Variants in GATA4 observed in about 807,000 individuals in gnomAD.
GATA4 encodes transcription factor GATA-4.
In GATA4, 7 loss-of-function variants were observed where a neutral mutation model predicts 37.9. The ratio of observed to expected loss-of-function variants is 0.18; its 90% CI spans 0.11 to 0.35. GATA4 has a LOEUF of 0.35. Among genes scored for constraint, GATA4 ranks in the 10% least tolerant of loss-of-function variants. GATA4 has a pLI of 1.00. For synonymous variants in GATA4, 372 were observed against 292.6 expected, an observed-to-expected ratio of 1.27 and a Z score of -2.77; for missense variants, 647 against 653.0, an observed-to-expected ratio of 0.99 and a Z score of 0.10.
chr8:11,699,182 T>C (rs1177856777), upstream of GATA4, among the ~76,000 whole-genome samples: 2 of 152,120 alleles, frequency 1.3e-5, no homozygotes, highest in Admixed American at 6.5e-5. Context: ...TCGGTGCATG[T>C]GTGTGGACAG....
upstream of GATA4, among the ~76,000 whole-genome samples, chr8:11,688,176 C>G (rs1049349458): frequency 7.2e-5 from 11 of 152,172 alleles, no homozygotes; most frequent in East Asian, 2.1e-3. Context: ...AGTTCAAGAG[C>G]CCCCCACACA....
At position 11,712,373 on chromosome 8, in the gene GATA4, C is replaced by A. The variant is rs111692609; in HGVS notation, c.616+3445C>A. 2.9e-3 allele frequency among the ~76,000 whole-genome samples: 443 copies of A among 152,236 alleles called. 2 individuals carry two copies. Among genetic ancestry groups the A allele is most frequent in the South Asian group, 5.8e-3 (28 of 4,824 alleles). ...TGAGCTGAGAACAAAGAAGAAACAG[C>A]AGAGGAGAAGCAGCTGAGAGCAAAG... On this transcript the variant is annotated intron_variant, in intron 2 of 6. Transcript: ENST00000532059.
At chr8:11,681,018 C>A in intron 1 of GATA4, 1 of 936,766 alleles carries the variant, frequency 1.1e-6, no homozygotes, top group Non-Finnish European at 1.3e-6. Context: ...GAATCCCATA[C>A]CCCAGGCTGC....
intron 2 of GATA4, among the ~76,000 whole-genome samples, chr8:11,738,327 A>C (rs1801559310): frequency 2.0e-5 from 3 of 152,204 alleles, no homozygotes; most frequent in Admixed American, 2.0e-4. Context: ...CAGCATGATC[A>C]GTTTCTTGTC....
chr8:11,695,232 C>T (rs1477499764), intron 1 of GATA4, among the ~76,000 whole-genome samples: 5 of 152,024 alleles, frequency 3.3e-5, no homozygotes, highest in Non-Finnish European at 7.4e-5. Flanking sequence ...ATGGAGAAAC[C>T]CCGTCTCTAT....
At chr8:11,743,478 C>T (rs976194586) in intron 2 of GATA4, among the ~76,000 whole-genome samples, 1 of 152,240 alleles carries the variant, frequency 6.6e-6, no homozygotes, top group Non-Finnish European at 1.5e-5. Flanking sequence ...GGAGAGCAGA[C>T]CAGGCTCTGT....
At chr8:11,755,197 C>T (rs1250643328) in intron 5 of GATA4, 64 bp downstream of exon 5, 2 of 1,365,644 alleles carry the variant, frequency 1.5e-6, no homozygotes, top group African/African-American at 1.4e-5. Flanking sequence ...GCCTAAGAAT[C>T]ATATCTTCCG....
chr8:11,681,388 G>A, intron 1 of GATA4: 4 of 985,196 alleles, frequency 4.1e-6, no homozygotes, highest in Non-Finnish European at 4.8e-6. Flanking sequence ...ACTCCTGGCA[G>A]ACCCTTCCGG....
intron 1 of GATA4, among the ~76,000 whole-genome samples, chr8:11,684,527 T>TA (rs1799079043): frequency 6.6e-6 from 1 of 152,250 alleles, no homozygotes; most frequent in South Asian, 2.1e-4. Flanking sequence ...ATCCTAAATG[T>TA]ACATCGTCCC....
chr8:11,691,100 T>C (rs1277875897), upstream of GATA4, among the ~76,000 whole-genome samples: 1 of 152,204 alleles, frequency 6.6e-6, no homozygotes, highest in Non-Finnish European at 1.5e-5. Context: ...GGATAATCAA[T>C]CCACGCAGCA....
chr8:11,723,619 C>G (rs1290252404), intron 2 of GATA4, among the ~76,000 whole-genome samples: 1 of 152,186 alleles, frequency 6.6e-6, no homozygotes, highest in African/African-American at 2.4e-5. Flanking sequence ...AGATCAATCT[C>G]AGAGCTAGCT....
intron 2 of GATA4, among the ~76,000 whole-genome samples, chr8:11,722,263 C>T (rs1011071512): frequency 2.0e-5 from 3 of 152,202 alleles, no homozygotes; most frequent in African/African-American, 4.8e-5. Flanking sequence ...CTATACATTA[C>T]TCACTTTCCC....
chr8:11,708,613 C>G lies in GATA4; in HGVS notation c.301C>G (p.Pro101Ala), dbSNP rs944772065. The G allele has an allele frequency of 1.5e-6, 2 of 1,345,846 alleles. No individual in the cohort carries two copies. The highest frequency in any genetic ancestry group is 6.4e-5 in the Admixed American group (2 of 31,332). The allele number at this position is 1,345,846 out of a possible 1,614,324, so 83.4% of individuals were successfully genotyped here. The change falls in exon 2 of 7, where the codon CCG (proline) becomes GCG (alanine). Residue 101 changes from proline to alanine, a missense_variant. Coordinates refer to ENST00000532059, the MANE Select transcript of GATA4 (RefSeq NM_001308093.3). This position sits in a 1 kb window ranked among gnomAD's most constrained non-coding sequence, Gnocchi z 6.7. ...GGGAGCCGACGGAGCCGCTTACACC[C>G]CGCCGCCGGTGTCGCCGCGCTTCTC... ...QAGADGAAYT[P>A]PPVSPRFSFP...
At chr8:11,678,088 C>T (rs1798841066) in intron 1 of GATA4, among the ~76,000 whole-genome samples, 1 of 151,484 alleles carries the variant, frequency 6.6e-6, no homozygotes, top group African/African-American at 2.4e-5. Flanking sequence ...AGAAGGAGTG[C>T]AGCTTTGAGA....
intron 2 of GATA4, among the ~76,000 whole-genome samples, chr8:11,742,384 GTTTT>G (rs71521636): frequency 1.5e-5 from 1 of 68,440 alleles, no homozygotes; most frequent in Non-Finnish European, 4.9e-5. Flanking sequence ...TTGGTGTTTT[GTTTT>G]TTTTTTTTCC....
At chr8:11,726,549 A>G (rs897384800) in intron 2 of GATA4, among the ~76,000 whole-genome samples, 1 of 152,100 alleles carries the variant, frequency 6.6e-6, no homozygotes, top group African/African-American at 2.4e-5. Context: ...TCTGAGGGCT[A>G]AGGGCTGGTG....
chr8:11,681,901 G>C (rs1798985718), intron 1 of GATA4, among the ~76,000 whole-genome samples: 1 of 152,138 alleles, frequency 6.6e-6, no homozygotes, highest in Non-Finnish European at 1.5e-5. Flanking sequence ...GTCTGCGTCT[G>C]CCTGGGTCTC....
Position 11,756,947 on chromosome 8 carries a change from G to T in GATA4, c.1013G>T (p.Ser338Ile). The change falls in exon 6 of 7, where the codon AGT becomes ATT. Residue 338 changes from serine (S) to isoleucine (I), a missense_variant. Physicochemically the swap from Ser to Ile is moderately radical, Grantham distance 142. Around this residue, in one of 5 missense-constraint regions of GATA4, gnomAD observed 184 missense variants for 157.1 expected, o/e 1.17. Transcript: ENST00000532059. ...KSKTPAAPSG[S>I]ESLPPASGAS... ...TGCTTCATTCCAGCTCCTTCAGGCA[G>T]TGAGAGCCTTCCTCCCGCCAGCGGT... 6.2e-7 allele frequency: 1 copy of T among 1,614,172 alleles called. No individual in the cohort carries two copies. Among genetic ancestry groups the T allele is most frequent in the Non-Finnish European group, 8.5e-7 (1 of 1,179,990 alleles).
intron 2 of GATA4, among the ~76,000 whole-genome samples, chr8:11,717,473 C>T (rs775574416): frequency 9.2e-5 from 14 of 152,062 alleles, no homozygotes; most frequent in Non-Finnish European, 1.9e-4. Context: ...AAGCTGATAC[C>T]CAGAAAGAGC....
Sources: allele counts gnomAD v4.1 joint callset (sites outside exome capture counted in the v4.1 genomes callset), GRCh38; gene constraint gnomAD v4.1.1; regional missense constraint gnomAD v4.1.1; non-coding constraint Gnocchi (gnomAD v3.1); transcripts MANE v1.5; gene names NCBI Gene and HGNC (gene_info 2026-07-23, HGNC 2026-07-21).